GABBR2: variants seen among roughly 807,000 people sequenced by gnomAD.
GABBR2 encodes the protein gamma-aminobutyric acid type B receptor subunit 2.
GABBR2 carries 23 observed loss-of-function variants against 105.6 expected under a neutral mutation model. The ratio of observed to expected loss-of-function variants is 0.22; its 90% CI spans 0.16 to 0.31. The LOEUF (loss-of-function observed/expected upper bound fraction) is 0.31. Among genes scored for constraint, GABBR2 ranks in the 10% least tolerant of loss-of-function variants. The pLI is 1.00. For missense variants in GABBR2, 734 were observed against 1,245.5 expected (o/e 0.59, Z 6.18); for synonymous variants, 478 against 499.7 (o/e 0.96, Z 0.58).
intron 13 of GABBR2, among the ~76,000 whole-genome samples, chr9:98,311,996 A>G (rs1830644292): frequency 6.6e-6 from 1 of 152,126 alleles, no homozygotes; most frequent in South Asian, 2.1e-4. Flanking sequence ...CTGTACATTT[A>G]TTTTTTTCTG....
At chr9:98,322,602 T>C (rs906140751) in intron 13 of GABBR2, among the ~76,000 whole-genome samples, 2 of 101,020 alleles carry the variant, frequency 2.0e-5, no homozygotes, top group African/African-American at 8.6e-5. Context: ...CTCCATGATC[T>C]GACCCCCCCA....
intron 7 of GABBR2, among the ~76,000 whole-genome samples, chr9:98,447,063 C>CTTTTTTTTTTTTTTTTTTTTTTTTTTTT (rs369338702): frequency 6.0e-5 from 7 of 116,324 alleles, no homozygotes; most frequent in African/African-American, 1.7e-4. Flanking sequence ...AAAAAGACTT[C>CTTTTTTTTTTTTTTTTTTTTTTTTTTTT]TTTTTTTTTT....
intron 1 of GABBR2, among the ~76,000 whole-genome samples, chr9:98,673,449 G>A (rs7019449): frequency 0.12 from 18,335 of 152,100 alleles, 1,329 homozygotes; most frequent in African/African-American, 0.2. Context: ...TAAAATCACC[G>A]TATCTTAGAA....
chr9:98,448,425 T>C (rs375620489), intron 7 of GABBR2, among the ~76,000 whole-genome samples: 82 of 152,252 alleles, frequency 5.4e-4, no homozygotes, highest in African/African-American at 1.9e-3. Context: ...GAGAGTCTAT[T>C]AATTTATTTT....
At chr9:98,501,331 A>G (rs1827396476) in intron 3 of GABBR2, among the ~76,000 whole-genome samples, 1 of 151,972 alleles carries the variant, frequency 6.6e-6, no homozygotes, top group African/African-American at 2.4e-5. Context: ...CACCCAGCTA[A>G]TTTTTGTATT....
intron 11 of GABBR2, among the ~76,000 whole-genome samples, chr9:98,382,535 G>A (rs1225052362): frequency 6.6e-6 from 1 of 152,126 alleles, no homozygotes; most frequent in Non-Finnish European, 1.5e-5. Context: ...GGTTGGTCTT[G>A]AACTCCTGGC....
intron 2 of GABBR2, among the ~76,000 whole-genome samples, chr9:98,547,676 T>G (rs1292346097): frequency 8.2e-6 from 1 of 121,944 alleles, no homozygotes; most frequent in Admixed American, 9.0e-5. Context: ...GACATAAGTA[T>G]TCTCATTTCT....
At chr9:98,345,530 T>G (rs942347768) in intron 13 of GABBR2, among the ~76,000 whole-genome samples, 5 of 152,250 alleles carry the variant, frequency 3.3e-5, no homozygotes, top group Non-Finnish European at 7.3e-5. Flanking sequence ...ATGCTTTTCC[T>G]GAAGACTGAG....
At chr9:98,706,104 AAAAAC>A (rs1477300134) in intron 1 of GABBR2, among the ~76,000 whole-genome samples, 58 of 31,076 alleles carry the variant, frequency 1.9e-3, no homozygotes, top group African/African-American at 4.0e-3. Context: ...ACAAAACAAA[AAAAAC>A]AAAAAAAAAA....
At chr9:98,444,294 G>C (rs1484339505) in intron 7 of GABBR2, among the ~76,000 whole-genome samples, 1 of 152,160 alleles carries the variant, frequency 6.6e-6, no homozygotes, top group African/African-American at 2.4e-5. Context: ...AGGATGAGTA[G>C]AGGGGGGCTG....
chr9:98,303,201 T>A, intron 16 of GABBR2, 40 bp downstream of exon 16: 1 of 1,566,808 alleles, frequency 6.4e-7, no homozygotes, highest in East Asian at 2.2e-5. Flanking sequence ...GGGGCTTCAG[T>A]GGCAGACAGG....
intron 1 of GABBR2, chr9:98,607,338 T>C: frequency 1.3e-6 from 1 of 760,394 alleles, no homozygotes; most frequent in Non-Finnish European, 2.4e-6. Flanking sequence ...CTTCAGGACA[T>C]GGACTTAAAC....
intron 13 of GABBR2, among the ~76,000 whole-genome samples, chr9:98,329,160 C>T (rs1040656168): frequency 2.6e-5 from 4 of 152,192 alleles, no homozygotes; most frequent in African/African-American, 9.7e-5. Context: ...AAAGATTCAC[C>T]AAGGAAGGGC....
Position 98,541,883 on chromosome 9 carries a change from C to T in GABBR2, c.620G>A (p.Arg207Lys). Residue 207 changes from arginine (R) to lysine (K), a missense_variant, in exon 3 of 19, where the codon AGG becomes AAG. Around this residue, in one of 7 missense-constraint regions of GABBR2, gnomAD observed 370 missense variants for 648.9 expected, o/e 0.57. Transcript: ENST00000259455. ...ACAAGCCGAGCGTACCTCAGAGAAC[C>T]TCTGAACGTCTTGCGTCAGCGTGCC... ...RVGTLTQDVQ[R>K]FSEVRNDLTG... The T allele has an allele frequency of 6.2e-7, 1 of 1,614,190 alleles. No individual in the cohort carries two copies. The highest frequency in any genetic ancestry group is 8.5e-7 in the Non-Finnish European group (1 of 1,179,994).
At chr9:98,567,511 G>A (rs1442923728) in intron 2 of GABBR2, among the ~76,000 whole-genome samples, 3 of 152,188 alleles carry the variant, frequency 2.0e-5, no homozygotes, top group African/African-American at 7.2e-5. Context: ...TGGTCGGTGA[G>A]AGTTAATTTC....
intron 1 of GABBR2, among the ~76,000 whole-genome samples, chr9:98,601,518 T>C (rs1829335836): frequency 6.6e-6 from 1 of 152,120 alleles, no homozygotes; most frequent in Non-Finnish European, 1.5e-5. Context: ...CCCTGTCTCT[T>C]AAAAAAAGAA....
chr9:98,350,559 T>C (rs1260726958), intron 13 of GABBR2, among the ~76,000 whole-genome samples: 1 of 152,196 alleles, frequency 6.6e-6, no homozygotes, highest in Admixed American at 6.5e-5. Context: ...AAGGTTCCTT[T>C]TGTTATTGAT....
chr9:98,646,064 GGGTTA>G (rs1418729624), intron 1 of GABBR2, among the ~76,000 whole-genome samples: 1 of 152,214 alleles, frequency 6.6e-6, no homozygotes, highest in Non-Finnish European at 1.5e-5. Flanking sequence ...GGGCGGAAAA[GGGTTA>G]ACACAGCGGG....
intron 1 of GABBR2, among the ~76,000 whole-genome samples, chr9:98,602,453 C>T (rs1208260105): frequency 4.1e-5 from 4 of 96,724 alleles, no homozygotes; most frequent in African/African-American, 1.7e-4. Flanking sequence ...GAGCTAGACT[C>T]TGTCTCAAAA....
Sources: allele counts gnomAD v4.1 joint callset (sites outside exome capture counted in the v4.1 genomes callset), GRCh38; gene constraint gnomAD v4.1.1; regional missense constraint gnomAD v4.1.1; transcripts MANE v1.5; gene names NCBI Gene and HGNC (gene_info 2026-07-23, HGNC 2026-07-21).